CRPPA: variants seen among roughly 807,000 people sequenced by gnomAD.
CRPPA encodes CDP-L-ribitol pyrophosphorylase A.
Under a neutral mutation model 52.0 loss-of-function variants are expected in CRPPA, and 43 were observed. The ratio of observed to expected loss-of-function variants is 0.83; its 90% CI spans 0.65 to 1.07. The LOEUF (loss-of-function observed/expected upper bound fraction) is 1.07. Among genes scored for constraint, CRPPA ranks in the 50% least tolerant of loss-of-function variants. The pLI is 0.00. For synonymous variants in CRPPA, 250 were observed against 203.5 expected, an observed-to-expected ratio of 1.23 and a Z score of -1.94; for missense variants, 629 against 551.7, an observed-to-expected ratio of 1.14 and a Z score of -1.40.
chr7:16,351,991 T>G (rs1002982617), intron 3 of CRPPA, among the ~76,000 whole-genome samples: 1 of 152,114 alleles, frequency 6.6e-6, no homozygotes, highest in Non-Finnish European at 1.5e-5. Context: ...CTATTTACAA[T>G]AGCAGAGACT....
chr7:16,411,778 A>C (rs1163392586), intron 1 of CRPPA, among the ~76,000 whole-genome samples: 2 of 152,146 alleles, frequency 1.3e-5, no homozygotes, highest in Non-Finnish European at 2.9e-5. Flanking sequence ...TTCACTTTTT[A>C]ATATAGGAGT....
intron 8 of CRPPA, among the ~76,000 whole-genome samples, chr7:16,221,967 A>G (rs1583442853): frequency 1.3e-5 from 2 of 151,990 alleles, no homozygotes; most frequent in East Asian, 3.9e-4. Flanking sequence ...AAGGACTATA[A>G]ATCTTGCTGC....
At chr7:16,294,984 G>T (rs566272073) in intron 5 of CRPPA, among the ~76,000 whole-genome samples, 2 of 152,142 alleles carry the variant, frequency 1.3e-5, no homozygotes, top group South Asian at 2.1e-4. Context: ...GAAATCAAGG[G>T]ACTAGTTTCT....
At chr7:16,387,072 T>TATATATATATACACAC (rs1787302414) in intron 2 of CRPPA, among the ~76,000 whole-genome samples, 7 of 71,998 alleles carry the variant, frequency 9.7e-5, no homozygotes, top group African/African-American at 4.4e-4. Flanking sequence ...TATATATATA[T>TATATATATATACACAC]ATATATATAT....
At chr7:16,321,782 G>A (rs763243862) in intron 3 of CRPPA, among the ~76,000 whole-genome samples, 2 of 152,142 alleles carry the variant, frequency 1.3e-5, no homozygotes, top group Non-Finnish European at 2.9e-5. Context: ...TGCCCAGTAT[G>A]TATTGGAGAA....
intron 3 of CRPPA, among the ~76,000 whole-genome samples, chr7:16,314,210 G>A (rs572071717): frequency 6.6e-6 from 1 of 151,824 alleles, no homozygotes; most frequent in Non-Finnish European, 1.5e-5. Context: ...ATTAAGCACT[G>A]TTTTATATCC....
chr7:16,420,137 G>T (rs1362484481), intron 1 of CRPPA, among the ~76,000 whole-genome samples: 1 of 152,090 alleles, frequency 6.6e-6, no homozygotes, highest in Non-Finnish European at 1.5e-5. Context: ...TCACTAGCTT[G>T]GTTTTCAAAA....
chr7:16,371,140 G>C (rs1786738554), intron 3 of CRPPA, among the ~76,000 whole-genome samples: 1 of 152,072 alleles, frequency 6.6e-6, no homozygotes, highest in Non-Finnish European at 1.5e-5. Context: ...AGCTCCCCCA[G>C]CCACCTTTAT....
At chr7:16,337,897 G>A (rs1476082080) in intron 3 of CRPPA, among the ~76,000 whole-genome samples, 4 of 152,130 alleles carry the variant, frequency 2.6e-5, no homozygotes, top group African/African-American at 7.2e-5. Context: ...TATCTTCACT[G>A]TTGAATTCCA....
intron 8 of CRPPA, among the ~76,000 whole-genome samples, chr7:16,239,725 T>C (rs1349231928): frequency 6.6e-6 from 1 of 152,168 alleles, no homozygotes; most frequent in African/African-American, 2.4e-5. Context: ...GTGCATTTCA[T>C]CTTAAATGTT....
chr7:16,246,423 T>C (rs1288966727), intron 8 of CRPPA, among the ~76,000 whole-genome samples: 2 of 152,158 alleles, frequency 1.3e-5, no homozygotes, highest in Non-Finnish European at 2.9e-5. Context: ...AGGTTTGGAT[T>C]ATGACCCCCC....
At chr7:16,119,333 G>C (rs1307566040) in intron 9 of CRPPA, among the ~76,000 whole-genome samples, 2 of 151,542 alleles carry the variant, frequency 1.3e-5, no homozygotes, top group African/African-American at 2.4e-5. Context: ...CATCTCATTG[G>C]TAGACCATGT....
At chr7:16,415,067 C>T (rs1229001647) in intron 1 of CRPPA, among the ~76,000 whole-genome samples, 1 of 152,146 alleles carries the variant, frequency 6.6e-6, no homozygotes, top group Non-Finnish European at 1.5e-5. Flanking sequence ...GAGCCTTTAG[C>T]CAACATGCCT....
intron 9 of CRPPA, among the ~76,000 whole-genome samples, chr7:16,149,941 G>A (rs913059551): frequency 1.3e-5 from 2 of 150,434 alleles, no homozygotes; most frequent in African/African-American, 4.9e-5. Context: ...AGCCGAGATC[G>A]CACCACTGCA....
intron 8 of CRPPA, among the ~76,000 whole-genome samples, chr7:16,252,719 T>A (rs1783493732): frequency 6.6e-6 from 1 of 152,218 alleles, no homozygotes. Context: ...AATTCGGCTG[T>A]GAATCGGTCT....
chr7:16,152,947 C>T (rs1240171252), intron 9 of CRPPA, among the ~76,000 whole-genome samples: 1 of 151,812 alleles, frequency 6.6e-6, no homozygotes, highest in Non-Finnish European at 1.5e-5. Context: ...GAAAGAAAGC[C>T]AATGTTGTAT....
At chr7:16,342,918 T>C (rs546240889) in intron 3 of CRPPA, among the ~76,000 whole-genome samples, 23 of 120,594 alleles carry the variant, frequency 1.9e-4, no homozygotes, top group African/African-American at 7.2e-4. Context: ...TACGTGCCTG[T>C]AGTCCCACCT....
At position 16,089,404 on chromosome 7, in the gene CRPPA, T is replaced by A. The variant is rs967589207; in HGVS notation, c.*2291A>T. 73 of 351,094 alleles carry A rather than the reference T, an allele frequency of 2.1e-4. No individual in the cohort carries two copies. Among genetic ancestry groups the A allele is most frequent in the African/African-American group, 1.5e-3 (72 of 46,844 alleles). 21.7% of individuals were successfully genotyped at this position (351,094 alleles called of 1,614,324 possible). ...TACGTATATATGTATGTACATAATG[T>A]GTATATATGTACGTACATACATATA... On this transcript the variant is annotated 3_prime_UTR_variant, in exon 10 of 10. Transcript: ENST00000407010.
intron 9 of CRPPA, chr7:16,209,221 G>T: frequency 3.3e-6 from 1 of 301,432 alleles, no homozygotes; most frequent in South Asian, 2.9e-5. Context: ...CAAGCATTTT[G>T]AACTGGAAGG....
Sources: gnomAD v4.1 joint callset for allele counts (sites outside exome capture counted in the v4.1 genomes callset) on GRCh38, gnomAD v4.1.1 for gene constraint, MANE v1.5 for transcripts, NCBI Gene and HGNC (gene_info 2026-07-23, HGNC 2026-07-21) for gene names.